NKTR: variants seen among roughly 807,000 people sequenced by gnomAD.
NKTR encodes NK-tumor recognition protein.
In NKTR, 67 loss-of-function variants were observed where a neutral mutation model predicts 156.3. That is an observed-to-expected ratio of 0.43 (90% CI 0.35 to 0.53). NKTR has a LOEUF of 0.53. Ranked by LOEUF, NKTR falls within the 20% of genes least tolerant of loss-of-function variation. The pLI is 0.01. For synonymous variants in NKTR, 640 were observed against 596.6 expected (o/e 1.07, Z -1.06); for missense variants, 1,604 against 1,730.9 (o/e 0.93, Z 1.30).
At chr3:42,621,057 T>C (rs906731200) in intron 5 of NKTR, 5 of 984,502 alleles carry the variant, frequency 5.1e-6, no homozygotes, top group Non-Finnish European at 6.0e-6. Context: ...TATAGCACAT[T>C]AGGCAAGCTA....
At chr3:42,605,956 A>G (rs933171401) in intron 2 of NKTR, among the ~76,000 whole-genome samples, 1 of 152,198 alleles carries the variant, frequency 6.6e-6, no homozygotes, top group African/African-American at 2.4e-5. Context: ...GCACAATTTT[A>G]ATTAGGCACA....
intron 6 of NKTR, among the ~76,000 whole-genome samples, chr3:42,622,563 T>C (rs962149742): frequency 3.9e-5 from 6 of 152,072 alleles, no homozygotes; most frequent in African/African-American, 1.4e-4. Context: ...AAAGTTCAGA[T>C]AAGGGGCATT....
At chr3:42,625,428 G>A (rs1708285823) in intron 6 of NKTR, among the ~76,000 whole-genome samples, 2 of 146,314 alleles carry the variant, frequency 1.4e-5, no homozygotes, top group South Asian at 2.2e-4. Flanking sequence ...TAGGGCAATG[G>A]GGGGGCGGGG....
At chr3:42,600,858 C>G (rs1164083842) in intron 1 of NKTR, 80 bp downstream of exon 1, 4 of 542,798 alleles carry the variant, frequency 7.4e-6, no homozygotes, top group Admixed American at 4.4e-5. Flanking sequence ...TCTTGGCCTC[C>G]TGCGCTGTCG....
chr3:42,628,863 C>G (rs1316828400), intron 6 of NKTR: 8 of 255,508 alleles, frequency 3.1e-5, no homozygotes, highest in Non-Finnish European at 1.2e-5. Flanking sequence ...TTAGATGGGC[C>G]TGGTGGCGCA....
At chr3:42,634,235 G>A (rs1709179244) in intron 10 of NKTR, among the ~76,000 whole-genome samples, 1 of 152,190 alleles carries the variant, frequency 6.6e-6, no homozygotes, top group Admixed American at 6.5e-5. Flanking sequence ...TTGGAAAAGT[G>A]AATGTGTCGC....
At chr3:42,614,574 C>G (rs1232985950) in intron 2 of NKTR, among the ~76,000 whole-genome samples, 3 of 152,048 alleles carry the variant, frequency 2.0e-5, no homozygotes, top group Non-Finnish European at 4.4e-5. Context: ...GTTAATCTTG[C>G]TAATGAGCTT....
intron 14 of NKTR, among the ~76,000 whole-genome samples, chr3:42,643,043 C>T (rs1028918594): frequency 7.2e-5 from 11 of 152,184 alleles, no homozygotes; most frequent in African/African-American, 2.4e-4. Context: ...ACTGCTGTCA[C>T]TTCACTTTAC....
chr3:42,632,123 G>A (rs1314870701), intron 8 of NKTR, among the ~76,000 whole-genome samples: 3 of 140,014 alleles, frequency 2.1e-5, no homozygotes, highest in Non-Finnish European at 4.5e-5. Flanking sequence ...AGGCTGGAGT[G>A]CAGTGGCACT....
Position 42,647,324 on chromosome 3 carries a change from T to G in NKTR, c.*1349T>G, listed in dbSNP as rs1482473338. 1.3e-5 allele frequency: 2 copies of G among 149,990 alleles called. No individual in the cohort carries two copies. Among genetic ancestry groups the G allele is most frequent in the African/African-American group, 2.5e-5 (1 of 40,260 alleles). 9.3% of individuals were successfully genotyped at this position (149,990 alleles called of 1,614,324 possible). ...TGTGGTTTTTTTTTTTAATCTTTAC[T>G]TTGAATTTGTTCCCCAAGTGTACTT... On this transcript the variant is annotated 3_prime_UTR_variant, in exon 17 of 17. Transcript: ENST00000232978.
At chr3:42,609,959 C>G (rs1324116313) in intron 2 of NKTR, among the ~76,000 whole-genome samples, 2 of 152,036 alleles carry the variant, frequency 1.3e-5, no homozygotes, top group Non-Finnish European at 1.5e-5. Context: ...CTCTTTTTTA[C>G]TTGTAAATCT....
chr3:42,611,925 AC>A (rs969858394), intron 2 of NKTR, among the ~76,000 whole-genome samples: 17 of 151,908 alleles, frequency 1.1e-4, no homozygotes, highest in Non-Finnish European at 2.2e-4. Flanking sequence ...ACATAGTGAG[AC>A]CTTGTCTCAA....
rs1175718521 is a variant in NKTR at position 42,600,915 on chromosome 3, CGCCCTCGCCCCT to C, written c.-23-57_-23-46del. The C allele has an allele frequency of 2.8e-5, 28 of 983,044 alleles. No homozygotes were observed. The South Asian group carries it at 3.2e-4, about 11-fold the overall frequency. The allele number at this position is 983,044 out of a possible 1,614,324, so 60.9% of individuals were successfully genotyped here. The stretch of plus-strand genomic sequence containing the variant: ...CGTGGCGCGGACTTCGTCTCAGCCC[CGCCCTCGCCCCT>C]GCCCTCGCCCCCGCCCTCGCCCCTG... On this transcript the variant is annotated intron_variant, in intron 1 of 16. Transcript: ENST00000232978.
intron 5 of NKTR, 145 bp downstream of exon 5, chr3:42,619,853 T>A: frequency 1.4e-6 from 2 of 1,449,634 alleles, no homozygotes; most frequent in South Asian, 3.0e-5. Context: ...TTTGCATGAA[T>A]TTGGGGATAA....
chr3:42,627,205 G>GTGT, intron 6 of NKTR: 1 of 984,156 alleles, frequency 1.0e-6, no homozygotes. Flanking sequence ...TACAGAAAGA[G>GTGT]TGTTACACCG....
At chr3:42,629,108 T>G (rs1301492551) in intron 6 of NKTR, 1 of 972,066 alleles carries the variant, frequency 1.0e-6, no homozygotes, top group East Asian at 1.1e-4. Context: ...TGGTAAAGTT[T>G]TATAATTAAA....
At chr3:42,635,907 CAAA>C (rs373260157) in intron 12 of NKTR, among the ~76,000 whole-genome samples, 1 of 114,116 alleles carries the variant, frequency 8.8e-6, no homozygotes, top group Non-Finnish European at 1.9e-5. Context: ...GACTCCGTCT[CAAA>C]AAAAAAAAAA....
rs750786646 is a variant in NKTR at position 42,633,711 on chromosome 3, CTGT to C, written c.910_912del (p.Val304del). 1 of 1,613,984 alleles carries C rather than the reference CTGT, an allele frequency of 6.2e-7. No homozygotes were observed. Among genetic ancestry groups the C allele is most frequent in the Non-Finnish European group, 8.5e-7 (1 of 1,179,870 alleles). ...CGATTTTTACTGAGAAGAGATATGC[CTGT>C]TGTTACTGCAGAACCTGAACCGTAA... On this transcript the variant is annotated inframe_deletion, in exon 10 of 17. Transcript: ENST00000232978.
In NKTR at chr3:42,637,195, G is replaced by A. The variant is rs1476516721; in HGVS notation, c.1491G>A (p.Lys497=). ...SSSLSSHHSS[K]RDWSKSDKDV... ...CATTGTCATCTCATCACTCATCAAA[G>A]AGAGACTGGTCTAAATCTGATAAGG... The change falls in exon 13 of 17, where the codon AAG becomes AAA. Residue 497 remains lysine, a synonymous_variant. Coordinates refer to ENST00000232978, the MANE Select transcript of NKTR (RefSeq NM_005385.4). 1.2e-6 allele frequency: 2 copies of A among 1,612,438 alleles called. No homozygotes were observed. Among genetic ancestry groups the A allele is most frequent in the Admixed American group, 1.7e-5 (1 of 59,642 alleles).
Sources: allele counts gnomAD v4.1 joint callset (sites outside exome capture counted in the v4.1 genomes callset), GRCh38; gene constraint gnomAD v4.1.1; transcripts MANE v1.5; gene names NCBI Gene and HGNC (gene_info 2026-07-23, HGNC 2026-07-21).